The following UGGT2 variants were observed in gnomAD, a reference collection of about 807,000 sequenced individuals.
The protein encoded by UGGT2 is UDP-glucose glycoprotein glucosyltransferase 2.
Under a neutral mutation model 192.1 loss-of-function variants are expected in UGGT2, and 180 were observed. That is an observed-to-expected ratio of 0.94 (90% CI 0.83 to 1.06). The LOEUF is 1.06. Among genes scored for constraint, UGGT2 ranks in the 50% least tolerant of loss-of-function variants. The pLI, the probability that UGGT2 is intolerant of heterozygous loss-of-function variation, is 0.00. For missense variants in UGGT2, 1,849 were observed against 1,795.7 expected (o/e 1.03, Z -0.54); for synonymous variants, 580 against 591.0 (o/e 0.98, Z 0.27).
rs143119399 is a variant in UGGT2, at chr13:95,970,216, G to A, written c.1231C>T (p.Arg411Cys). The A allele has an allele frequency of 6.4e-4, 1,030 of 1,612,918 alleles. 2 individuals are homozygous for A. Among genetic ancestry groups the A allele is most frequent in the Non-Finnish European group, 8.0e-4 (944 of 1,179,330 alleles). ...KLEGKMMNGLRNLGINGEDMS... is the reference protein window; with the variant it reads ...KLEGKMMNGLCNLGINGEDMS... ...TCTTCCCCATTGATCCCAAGATTGC[G>A]AAGGCCATTCATCATTTTTCCTTCT... Residue 411 changes from arginine to cysteine, a missense_variant, in exon 12 of 39, where the codon CGC becomes TGC. Coordinates refer to ENST00000376747, the MANE Select transcript of UGGT2 (RefSeq NM_020121.4).
chr13:95,988,416 T>C (rs1478383879), intron 8 of UGGT2, among the ~76,000 whole-genome samples: 1 of 152,032 alleles, frequency 6.6e-6, no homozygotes, highest in Non-Finnish European at 1.5e-5. Flanking sequence ...CTCAGTTTAG[T>C]GTTATCATGA....
chr13:96,002,638 T>A (rs2051843017), intron 5 of UGGT2, among the ~76,000 whole-genome samples: 1 of 152,230 alleles, frequency 6.6e-6, no homozygotes, highest in Non-Finnish European at 1.5e-5. Flanking sequence ...AATATCTATA[T>A]GCCAACACAC....
intron 5 of UGGT2, among the ~76,000 whole-genome samples, chr13:96,002,975 G>C (rs2051855110): frequency 6.6e-6 from 1 of 152,124 alleles, no homozygotes; most frequent in Non-Finnish European, 1.5e-5. Flanking sequence ...GTTGCTCCTA[G>C]GTATAAAACC....
intron 38 of UGGT2, among the ~76,000 whole-genome samples, chr13:95,815,891 G>A (rs1396302815): frequency 6.6e-6 from 1 of 152,210 alleles, no homozygotes; most frequent in Non-Finnish European, 1.5e-5. Flanking sequence ...GAGTCCTCAT[G>A]AATGGGTTAG....
intron 8 of UGGT2, among the ~76,000 whole-genome samples, 175 bp downstream of exon 8, chr13:95,989,794 AGCTT>A (rs1339158883): frequency 1.3e-5 from 2 of 152,244 alleles, no homozygotes; most frequent in East Asian, 1.9e-4. Context: ...ATAAAAATAT[AGCTT>A]GCTTGAGGGA....
At chr13:95,853,349 A>G (rs987034139) in intron 36 of UGGT2, among the ~76,000 whole-genome samples, 194 bp downstream of exon 36, 1 of 152,208 alleles carries the variant, frequency 6.6e-6, no homozygotes, top group Non-Finnish European at 1.5e-5. Flanking sequence ...GTGAGGATAA[A>G]ATACTATTAG....
chr13:96,036,811 G>A (rs1027331508), intron 1 of UGGT2, among the ~76,000 whole-genome samples: 5 of 152,146 alleles, frequency 3.3e-5, no homozygotes, highest in African/African-American at 9.7e-5. Flanking sequence ...ACAGGCTGGA[G>A]TGCAGTGGTG....
At chr13:95,961,556 C>G (rs1255724964) in intron 12 of UGGT2, among the ~76,000 whole-genome samples, 1 of 151,974 alleles carries the variant, frequency 6.6e-6, no homozygotes, top group African/African-American at 2.4e-5. Flanking sequence ...TAAAACACTC[C>G]TAAACATATA....
chr13:95,911,076 A>T (rs2048478771), intron 20 of UGGT2, among the ~76,000 whole-genome samples: 1 of 152,234 alleles, frequency 6.6e-6, no homozygotes, highest in African/African-American at 2.4e-5. Context: ...TCTTTGGGAC[A>T]CATTTAAAGC....
At chr13:95,861,324 C>G (rs1890146515) in intron 31 of UGGT2, among the ~76,000 whole-genome samples, 1 of 152,022 alleles carries the variant, frequency 6.6e-6, no homozygotes, top group South Asian at 2.1e-4. Context: ...TGGGGCTCAT[C>G]CAGGCTAAAA....
chr13:95,937,294 A>T (rs1421869848), intron 16 of UGGT2, among the ~76,000 whole-genome samples: 1 of 152,238 alleles, frequency 6.6e-6, no homozygotes, highest in East Asian at 1.9e-4. Context: ...AGGGCCAGAG[A>T]GTAAATATTT....
rs542050691 is a variant in UGGT2 at position 95,951,774 on chromosome 13, T to C, written c.1336-2320A>G. Among the ~76,000 whole-genome samples, 16 of 152,342 alleles carry C rather than the reference T, an allele frequency of 1.1e-4. No homozygotes were observed. The East Asian group carries it at 2.7e-3, about 26-fold the overall frequency. On this transcript the variant is annotated intron_variant, in intron 12 of 38. Coordinates refer to ENST00000376747, the MANE Select transcript of UGGT2 (RefSeq NM_020121.4). ...GCCAGCTTGGGGTTCATCAAACTCC[T>C]GTGGTGTGCCACATGTAGTACAAAA...
rs528306846 is a variant in UGGT2, at chr13:95,817,884, C to T, written c.4528+15043G>A. Among the ~76,000 whole-genome samples the T allele has an allele frequency of 6.4e-4, 98 of 152,164 alleles. No homozygotes were observed. In the South Asian group the frequency reaches 8.1e-3, roughly 13 times the overall value. The stretch of plus-strand genomic sequence containing the variant: ...ACCAAAATTAGGAGAAAACCCACTA[C>T]TATAGGAAATTAAAATGAAAACAAC... On this transcript the variant is annotated intron_variant, in intron 38 of 38. Transcript: ENST00000376747.
chr13:96,047,541 A>C (rs2053352236), intron 1 of UGGT2, among the ~76,000 whole-genome samples: 1 of 152,240 alleles, frequency 6.6e-6, no homozygotes, highest in Non-Finnish European at 1.5e-5. Context: ...GAAAAGCTGC[A>C]AATTCTAAAA....
At chr13:96,050,754 G>A (rs1410682748) in intron 1 of UGGT2, among the ~76,000 whole-genome samples, 1 of 152,222 alleles carries the variant, frequency 6.6e-6, no homozygotes, top group African/African-American at 2.4e-5. Context: ...CTGGCCATCA[G>A]AGAAATGCAA....
chr13:95,964,266 T>C (rs976173656), intron 12 of UGGT2, among the ~76,000 whole-genome samples: 1 of 152,130 alleles, frequency 6.6e-6, no homozygotes, highest in Non-Finnish European at 1.5e-5. Flanking sequence ...GATATCGATA[T>C]GCAGAATAAT....
At chr13:95,862,663 T>C (rs1890269717) in intron 31 of UGGT2, among the ~76,000 whole-genome samples, 1 of 152,142 alleles carries the variant, frequency 6.6e-6, no homozygotes, top group Non-Finnish European at 1.5e-5. Context: ...GGAACTTTTA[T>C]TGGTACTGTT....
chr13:95,880,056 G>C (rs967796347), intron 27 of UGGT2, among the ~76,000 whole-genome samples: 1 of 152,108 alleles, frequency 6.6e-6, no homozygotes, highest in Non-Finnish European at 1.5e-5. Context: ...CTCTGGCCCC[G>C]TGACAGGCCC....
At chr13:95,926,555 C>A (rs988633773) in intron 19 of UGGT2, among the ~76,000 whole-genome samples, 11 of 152,102 alleles carry the variant, frequency 7.2e-5, no homozygotes, top group Admixed American at 1.3e-4. Flanking sequence ...TTAATTGTAC[C>A]CTAACAAATC....
Sources: allele counts gnomAD v4.1 joint callset (sites outside exome capture counted in the v4.1 genomes callset), GRCh38; gene constraint gnomAD v4.1.1; transcripts MANE v1.5; gene names NCBI Gene and HGNC (gene_info 2026-07-23, HGNC 2026-07-21).